SLC36A3: variants seen among roughly 807,000 people sequenced by gnomAD.
SLC36A3 encodes the protein solute carrier family 36 member 3, also known as proton-coupled amino acid transporter 3.
In SLC36A3, 35 loss-of-function variants were observed where a neutral mutation model predicts 44.3. That is an observed-to-expected ratio of 0.79 (90% confidence interval 0.60 to 1.05). The LOEUF (loss-of-function observed/expected upper bound fraction) is 1.05. Ranked by LOEUF, SLC36A3 falls within the 50% of genes least tolerant of loss-of-function variation. The pLI, the probability that SLC36A3 is intolerant of heterozygous loss-of-function variation, is 0.00. For missense variants in SLC36A3, 540 were observed against 578.7 expected (o/e 0.93, Z 0.69); for synonymous variants, 211 against 227.6 (o/e 0.93, Z 0.66).
chr5:151,278,537 T>C (rs1353809543), intron 9 of SLC36A3, among the ~76,000 whole-genome samples: 2 of 152,244 alleles, frequency 1.3e-5, no homozygotes. Context: ...GTTTATATAA[T>C]TAGTAAAGAT....
At chr5:151,298,372 C>G in intron 2 of SLC36A3, 1 of 503,636 alleles carries the variant, frequency 2.0e-6, no homozygotes, top group South Asian at 2.7e-5. Context: ...AAAGTAGAGT[C>G]AGATGAGCAT....
intron 6 of SLC36A3, among the ~76,000 whole-genome samples, chr5:151,286,234 G>T (rs1754530733): frequency 6.6e-6 from 1 of 152,182 alleles, no homozygotes; most frequent in Non-Finnish European, 1.5e-5. Flanking sequence ...ACCTCCCGTG[G>T]ATACCAAATC....
intron 4 of SLC36A3, among the ~76,000 whole-genome samples, chr5:151,290,922 GATA>G (rs1236233280): frequency 1.3e-5 from 2 of 151,320 alleles, no homozygotes; most frequent in African/African-American, 2.4e-5. Context: ...AGCTGTAATA[GATA>G]ATAACTTTAA....
chr5:151,286,521 G>A (rs1754540840), intron 6 of SLC36A3, among the ~76,000 whole-genome samples: 1 of 152,036 alleles, frequency 6.6e-6, no homozygotes, highest in Admixed American at 6.6e-5. Flanking sequence ...TGAACTCCTG[G>A]GCTTAAGCAA....
intron 2 of SLC36A3, 37 bp downstream of exon 2, chr5:151,298,556 G>A: frequency 6.2e-7 from 1 of 1,606,154 alleles, no homozygotes; most frequent in Non-Finnish European, 8.5e-7. Context: ...TTCTGCAAAT[G>A]AGCAAACCTA....
At chr5:151,277,742 C>T in intron 9 of SLC36A3, 81 bp from the exon 10 acceptor site, 3 of 1,509,622 alleles carry the variant, frequency 2.0e-6, no homozygotes, top group East Asian at 4.9e-5. Flanking sequence ...ATTTCACAGA[C>T]ACCTGAGAGA....
intron 8 of SLC36A3, among the ~76,000 whole-genome samples, chr5:151,282,868 A>ATCTT (rs1176150672): frequency 2.2e-4 from 33 of 147,676 alleles, no homozygotes; most frequent in East Asian, 6.0e-4. Flanking sequence ...CATTTCTATT[A>ATCTT]TCTTTCTTTC....
At chr5:151,282,366 C>A (rs1436291516) in intron 8 of SLC36A3, among the ~76,000 whole-genome samples, 1 of 152,014 alleles carries the variant, frequency 6.6e-6, no homozygotes, top group African/African-American at 2.4e-5. Context: ...CGGGGTTTCT[C>A]TATGTTGGTC....
intron 9 of SLC36A3, among the ~76,000 whole-genome samples, chr5:151,280,698 A>C (rs989094317): frequency 1.3e-5 from 2 of 152,200 alleles, no homozygotes; most frequent in African/African-American, 2.4e-5. Context: ...ATGGTAATAC[A>C]TTGTTAGGCT....
intron 2 of SLC36A3, 41 bp downstream of exon 2, chr5:151,298,552 A>C: frequency 1.2e-6 from 2 of 1,604,256 alleles, no homozygotes; most frequent in Non-Finnish European, 1.7e-6. Flanking sequence ...CCCCTTCTGC[A>C]AATGAGCAAA....
intron 5 of SLC36A3, 25 bp downstream of exon 5, chr5:151,288,361 C>T (rs952346881): frequency 2.6e-6 from 4 of 1,561,820 alleles, no homozygotes; most frequent in Non-Finnish European, 3.5e-6. Flanking sequence ...TTTTCCCCCA[C>T]TCTGCCCAGA....
intron 1 of SLC36A3, among the ~76,000 whole-genome samples, chr5:151,299,222 T>TGC (rs1491202371): frequency 3.4e-5 from 4 of 118,324 alleles, no homozygotes; most frequent in African/African-American, 6.4e-5. Context: ...GAATTGCTTG[T>TGC]GCGCTCTCTC....
intron 3 of SLC36A3, among the ~76,000 whole-genome samples, chr5:151,295,203 G>C (rs541409003): frequency 6.6e-6 from 1 of 152,254 alleles, no homozygotes; most frequent in African/African-American, 2.4e-5. Flanking sequence ...GTAGGTCTTT[G>C]AATACTGGCT....
chr5:151,284,280 T>C, intron 7 of SLC36A3, 70 bp from the exon 8 acceptor site: 4 of 1,386,214 alleles, frequency 2.9e-6, no homozygotes, highest in Non-Finnish European at 3.0e-6. Context: ...AGGAGAGGGT[T>C]CCCGTACAAG....
intron 2 of SLC36A3, chr5:151,297,815 G>A (rs1755010815): frequency 6.6e-6 from 1 of 152,112 alleles, no homozygotes; most frequent in African/African-American, 2.4e-5. Context: ...ACAAAAATTA[G>A]CTGGGCGTGG....
In SLC36A3 at chr5:151,277,350, G is replaced by A; in HGVS notation, c.*43C>T. The stretch of plus-strand genomic sequence containing the variant: ...ATAACATCCACATGGAAGTCAAACT[G>A]GGGATGGGAGGAAGGGAGAGCTATT... On this transcript the variant is annotated 3_prime_UTR_variant, in exon 10 of 10. Coordinates refer to ENST00000335230, the MANE Select transcript of SLC36A3 (RefSeq NM_181774.4). 1.2e-6 allele frequency: 2 copies of A among 1,605,220 alleles called. No homozygotes were observed. Among genetic ancestry groups the A allele is most frequent in the Non-Finnish European group, 1.7e-6 (2 of 1,173,716 alleles).
At chr5:151,302,454 C>T (rs956273248) in intron 1 of SLC36A3, among the ~76,000 whole-genome samples, 2 of 151,900 alleles carry the variant, frequency 1.3e-5, no homozygotes, top group African/African-American at 2.4e-5. Flanking sequence ...CAGTATACTC[C>T]GCAAACTAAC....
intron 3 of SLC36A3, among the ~76,000 whole-genome samples, chr5:151,295,860 C>T (rs578045588): frequency 6.6e-6 from 1 of 152,160 alleles, no homozygotes; most frequent in East Asian, 1.9e-4. Context: ...AGAAGAAAGT[C>T]TCTGTCTCAA....
chr5:151,283,733 A>C (rs1754416319), intron 8 of SLC36A3, among the ~76,000 whole-genome samples: 1 of 152,238 alleles, frequency 6.6e-6, no homozygotes, highest in Admixed American at 6.5e-5. Context: ...CGTGCTAAGC[A>C]CTTTTCTAAG....
Sources: gnomAD v4.1 joint callset for allele counts (sites outside exome capture counted in the v4.1 genomes callset) on GRCh38, gnomAD v4.1.1 for gene constraint, MANE v1.5 for transcripts, NCBI Gene and HGNC (gene_info 2026-07-23, HGNC 2026-07-21) for gene names.